The following PCDHGA10 variants were observed in gnomAD, a reference collection of about 807,000 sequenced individuals.
PCDHGA10 encodes the protein protocadherin gamma subfamily A, 10.
PCDHGA10 carries 42 observed loss-of-function variants against 59.5 expected under a neutral mutation model. The observed-to-expected ratio is 0.71, with a 90% CI of 0.55 to 0.91. PCDHGA10 has a LOEUF of 0.91. Among genes scored for constraint, PCDHGA10 ranks in the 40% least tolerant of loss-of-function variants. PCDHGA10 has a pLI of 0.00. For missense variants in PCDHGA10, 1,111 were observed against 1,198.2 expected (o/e 0.93, Z 1.07); for synonymous variants, 511 against 517.2 (o/e 0.99, Z 0.16).
chr5:141,417,776 C>T (rs2096161387), intron 1 of PCDHGA10: 1 of 1,469,712 alleles, frequency 6.8e-7, no homozygotes, highest in South Asian at 1.4e-5. Context: ...CTCCTCCTGT[C>T]CTGGGCCGAA....
chr5:141,445,814 TA>T (rs1554133713), intron 1 of PCDHGA10, among the ~76,000 whole-genome samples: 1 of 152,182 alleles, frequency 6.6e-6, no homozygotes, highest in Non-Finnish European at 1.5e-5. Context: ...TAGATGAAAC[TA>T]ATAAGGCAGG....
chr5:141,420,826 C>G (rs1246534925), intron 1 of PCDHGA10, among the ~76,000 whole-genome samples: 1 of 152,216 alleles, frequency 6.6e-6, no homozygotes, highest in Non-Finnish European at 1.5e-5. Flanking sequence ...AATAATTACT[C>G]CTTTCGCAGG....
Position 141,490,866 on chromosome 5 carries a change from C to T in PCDHGA10, c.2437-3941C>T, listed in dbSNP as rs1408465290. The T allele has an allele frequency of 6.2e-7, 1 of 1,613,906 alleles. No homozygotes were observed. The highest frequency in any genetic ancestry group is 1.7e-5 in the Admixed American group (1 of 60,012). ...TGGGGGTTCGAGACTCCGGCTCTCC[C>T]CCATTGCATGCCAACACATCTCTGC... On this transcript the variant is annotated intron_variant, in intron 1 of 3. Coordinates refer to ENST00000398610, the MANE Select transcript of PCDHGA10 (RefSeq NM_018913.3). The surrounding 1 kb of genome is among the most constrained non-coding windows in gnomAD (Gnocchi z 5.4).
chr5:141,424,140 C>A, intron 1 of PCDHGA10: 1 of 356,082 alleles, frequency 2.8e-6, no homozygotes, highest in Non-Finnish European at 4.1e-6. Flanking sequence ...TAATAGCATG[C>A]TCCCTCTAGC....
At chr5:141,466,180 A>AT (rs922532578) in intron 1 of PCDHGA10, among the ~76,000 whole-genome samples, 11 of 151,256 alleles carry the variant, frequency 7.3e-5, no homozygotes, top group South Asian at 2.1e-4. Context: ...TTTTATTTTT[A>AT]TTTTTTTTCA....
chr5:141,425,795 T>A (rs2096894407), intron 1 of PCDHGA10, among the ~76,000 whole-genome samples: 1 of 152,244 alleles, frequency 6.6e-6, no homozygotes, highest in Non-Finnish European at 1.5e-5. Flanking sequence ...TTCCAATATG[T>A]GCATTGCTTC....
chr5:141,433,555 G>C (rs1434189062), intron 1 of PCDHGA10, among the ~76,000 whole-genome samples: 1 of 152,088 alleles, frequency 6.6e-6, no homozygotes, highest in African/African-American at 2.4e-5. Flanking sequence ...TTCTTTTCTG[G>C]CTGGGCGCGG....
intron 1 of PCDHGA10, among the ~76,000 whole-genome samples, chr5:141,425,769 A>C (rs1355689852): frequency 6.6e-6 from 1 of 152,256 alleles, no homozygotes; most frequent in Non-Finnish European, 1.5e-5. Flanking sequence ...ACAGGAGAGA[A>C]GACTTTGCCT....
chr5:141,456,835 C>T (rs1261094365), intron 1 of PCDHGA10, among the ~76,000 whole-genome samples: 3 of 152,000 alleles, frequency 2.0e-5, no homozygotes, highest in African/African-American at 4.8e-5. Flanking sequence ...TGGTAGTGGG[C>T]GCCTGTAATC....
intron 2 of PCDHGA10, among the ~76,000 whole-genome samples, chr5:141,501,966 C>A (rs1046026111): frequency 1.3e-5 from 2 of 152,118 alleles, no homozygotes; most frequent in African/African-American, 4.8e-5. Context: ...ATCCTCCTAA[C>A]CTCTGGCATC....
chr5:141,482,752 T>C (rs1361016909), intron 1 of PCDHGA10, among the ~76,000 whole-genome samples: 1 of 127,096 alleles, frequency 7.9e-6, no homozygotes, highest in Non-Finnish European at 1.6e-5. Context: ...AGAGGGATTA[T>C]GGTATTTCAT....
intron 2 of PCDHGA10, among the ~76,000 whole-genome samples, chr5:141,499,214 C>T (rs1228581603): frequency 6.6e-6 from 1 of 152,074 alleles, no homozygotes; most frequent in Non-Finnish European, 1.5e-5. Flanking sequence ...TAACCCAGGC[C>T]CTGCCCTGCA....
chr5:141,444,282 C>T (rs1341316344), intron 1 of PCDHGA10, among the ~76,000 whole-genome samples: 1 of 148,268 alleles, frequency 6.7e-6, no homozygotes, highest in African/African-American at 2.5e-5. Flanking sequence ...AGTGATTCTC[C>T]TGCCTCAGCC....
chr5:141,413,723 C>G lies in PCDHGA10; in HGVS notation c.548C>G (p.Ser183Cys). 1 of 1,613,552 alleles carries G rather than the reference C, an allele frequency of 6.2e-7. No homozygotes were observed. The highest frequency in any genetic ancestry group is 8.5e-7 in the Non-Finnish European group (1 of 1,179,884). ...CAGCTCAGCCCCAATAAGCACTTCTCCCTAAGAGTTCAGAGCCGTGCCAAT... is the reference window on the plus strand; with the variant it reads ...CAGCTCAGCCCCAATAAGCACTTCTGCCTAAGAGTTCAGAGCCGTGCCAAT... The part of the protein sequence containing the change: ...SYQLSPNKHF[S>C]LRVQSRANGV... The change falls in exon 1 of 4, where the codon TCC becomes TGC. Residue 183 changes from serine (S) to cysteine (C), a missense_variant. Transcript: ENST00000398610.
chr5:141,478,520 G>A, intron 1 of PCDHGA10: 1 of 1,610,510 alleles, frequency 6.2e-7, no homozygotes, highest in Non-Finnish European at 8.5e-7. Context: ...GCAGGTGTTG[G>A]GTGCAGAGAG....
At chr5:141,494,776 C>T in intron 1 of PCDHGA10, 31 bp from the exon 2 acceptor site, 1 of 1,614,100 alleles carries the variant, frequency 6.2e-7, no homozygotes, top group East Asian at 2.2e-5. Context: ...CTCACGGGTA[C>T]TCAGCCCCTT....
intron 1 of PCDHGA10, chr5:141,422,319 TAC>T: frequency 6.5e-7 from 1 of 1,548,220 alleles, no homozygotes; most frequent in Admixed American, 2.1e-5. Flanking sequence ...CTCCTCCAGG[TAC>T]AGTGATTGCT....
rs777668071 is a variant in PCDHGA10 at position 141,491,848 on chromosome 5, C to G, written c.2437-2959C>G. The G allele has an allele frequency of 3.4e-6, 5 of 1,461,482 alleles. No homozygotes were observed. The highest frequency in any genetic ancestry group is 4.5e-6 in the Non-Finnish European group (5 of 1,104,578). 90.5% of individuals were successfully genotyped at this position (1,461,482 alleles called of 1,614,324 possible). A position where few individuals can be genotyped will look rare whatever the true frequency, so the allele number is the denominator to read the frequency against. ...CACCCGATTCTCGGGATCATTGGAC[C>G]GTTTGCGCGAAACCAGAGTGGCCGA... On this transcript the variant is annotated intron_variant, in intron 1 of 3. Transcript: ENST00000398610. The surrounding 1 kb of genome is among the most constrained non-coding windows in gnomAD (Gnocchi z 6.9).
At chr5:141,484,908 G>T in intron 1 of PCDHGA10, 1 of 415,428 alleles carries the variant, frequency 2.4e-6, no homozygotes, top group East Asian at 4.2e-5. Context: ...ATGCTGCGAC[G>T]CATTAACCCT....
Sources: gnomAD v4.1 joint callset for allele counts (sites outside exome capture counted in the v4.1 genomes callset) on GRCh38, gnomAD v4.1.1 for gene constraint, Gnocchi (gnomAD v3.1) non-coding constraint, MANE v1.5 for transcripts, NCBI Gene and HGNC (gene_info 2026-07-23, HGNC 2026-07-21) for gene names.